Variants in CAMK1D observed in about 807,000 individuals in gnomAD.
CAMK1D encodes the protein calcium/calmodulin dependent protein kinase ID.
Under a neutral mutation model 47.7 loss-of-function variants are expected in CAMK1D, and 9 were observed. That is an observed-to-expected ratio of 0.19 (90% CI 0.11 to 0.33). The LOEUF (loss-of-function observed/expected upper bound fraction) is 0.33. CAMK1D is among the 10% of genes least tolerant of loss of function. CAMK1D has a pLI of 1.00. For missense variants in CAMK1D, 291 were observed against 488.7 expected (o/e 0.60, Z 3.81); for synonymous variants, 184 against 184.9 (o/e 0.99, Z 0.04).
intron 1 of CAMK1D, among the ~76,000 whole-genome samples, chr10:12,485,020 G>A (rs1834171440): frequency 6.6e-6 from 1 of 152,198 alleles, no homozygotes; most frequent in Non-Finnish European, 1.5e-5. Flanking sequence ...TTTTCAGATT[G>A]GTGTGCTGAG....
chr10:12,360,974 A>G (rs1254246882), intron 1 of CAMK1D, among the ~76,000 whole-genome samples: 1 of 152,182 alleles, frequency 6.6e-6, no homozygotes, highest in African/African-American at 2.4e-5. Context: ...GAAAAATTCC[A>G]CTTCTGTAAG....
intron 1 of CAMK1D, among the ~76,000 whole-genome samples, chr10:12,529,682 C>T (rs944923711): frequency 2.6e-5 from 4 of 152,160 alleles, no homozygotes; most frequent in Admixed American, 1.3e-4. Context: ...ACTCCATGTA[C>T]GGGGTCACAC....
chr10:12,734,199 G>A (rs922487919), intron 3 of CAMK1D, among the ~76,000 whole-genome samples: 3 of 149,990 alleles, frequency 2.0e-5, no homozygotes, highest in Admixed American at 6.7e-5. Flanking sequence ...GTGCATGCCT[G>A]TAGTCCCAGC....
At chr10:12,676,666 G>A (rs1840818704) in intron 3 of CAMK1D, among the ~76,000 whole-genome samples, 1 of 152,134 alleles carries the variant, frequency 6.6e-6, no homozygotes, top group Non-Finnish European at 1.5e-5. Context: ...CCAAATCAGT[G>A]AGCAACCCAG....
chr10:12,665,314 A>T (rs1415674881), intron 2 of CAMK1D, among the ~76,000 whole-genome samples: 1 of 152,254 alleles, frequency 6.6e-6, no homozygotes, highest in East Asian at 1.9e-4. Context: ...CAAAAAGAAG[A>T]TAATATTCTT....
In CAMK1D at chr10:12,757,193, C is replaced by T. The variant is rs769672391; in HGVS notation, c.300-3755C>T. ...TCACCCAGACTGGAGTGCAGTGGTG[C>T]GATCATAGCTCACTGCAGCCTCAGC... On this transcript the variant is annotated intron_variant, in intron 3 of 10. Transcript: ENST00000619168. Among the ~76,000 whole-genome samples, 6 of 152,002 alleles carry T rather than the reference C, an allele frequency of 3.9e-5. No individual in the cohort carries two copies. In the East Asian group the frequency reaches 5.8e-4, roughly 15 times the overall value.
chr10:12,519,066 G>T (rs1323574129), intron 1 of CAMK1D, among the ~76,000 whole-genome samples: 1 of 102,128 alleles, frequency 9.8e-6, no homozygotes, highest in Non-Finnish European at 2.1e-5. Flanking sequence ...AGGGGTGGCC[G>T]GGCAGAAGCG....
At chr10:12,379,126 T>C (rs2724781) in intron 1 of CAMK1D, among the ~76,000 whole-genome samples, 11,880 of 152,250 alleles carry the variant, frequency 0.078, 523 homozygotes, top group Admixed American at 0.09. Context: ...GCATTTCTTT[T>C]AGTAGAGCAA....
chr10:12,773,448 C>G (rs1175100592), intron 5 of CAMK1D, among the ~76,000 whole-genome samples: 2 of 152,180 alleles, frequency 1.3e-5, no homozygotes, highest in African/African-American at 4.8e-5. Context: ...CTTACAATAC[C>G]TGATGCAATG....
chr10:12,382,408 T>C (rs981339015), intron 1 of CAMK1D, among the ~76,000 whole-genome samples: 2 of 151,968 alleles, frequency 1.3e-5, no homozygotes, highest in African/African-American at 4.8e-5. Context: ...CTGACGCATG[T>C]TTTGGTAACT....
At chr10:12,763,944 G>A (rs1836621870) in intron 4 of CAMK1D, among the ~76,000 whole-genome samples, 2 of 152,120 alleles carry the variant, frequency 1.3e-5, no homozygotes, top group African/African-American at 4.8e-5. Context: ...CCCTCTCCCT[G>A]TGGCCCCCAC....
intron 1 of CAMK1D, among the ~76,000 whole-genome samples, chr10:12,545,512 A>G (rs549948749): frequency 4.0e-5 from 6 of 149,104 alleles, no homozygotes; most frequent in East Asian, 2.0e-4. Flanking sequence ...TGAAAAATAC[A>G]TGGAATTAGC....
intron 5 of CAMK1D, among the ~76,000 whole-genome samples, chr10:12,777,481 T>A (rs1837310763): frequency 6.6e-6 from 1 of 151,140 alleles, no homozygotes; most frequent in Non-Finnish European, 1.5e-5. Flanking sequence ...CAAGCGATTG[T>A]CCTGCCTCAG....
At chr10:12,755,571 C>T (rs1039011844) in intron 3 of CAMK1D, among the ~76,000 whole-genome samples, 7 of 152,100 alleles carry the variant, frequency 4.6e-5, no homozygotes, top group Non-Finnish European at 5.9e-5. Flanking sequence ...CCTGAGGAAT[C>T]GCCACACTGA....
intron 3 of CAMK1D, among the ~76,000 whole-genome samples, chr10:12,682,303 C>G (rs931412867): frequency 5.9e-5 from 9 of 152,038 alleles, no homozygotes; most frequent in Non-Finnish European, 1.3e-4. Flanking sequence ...TGTGGCGCCC[C>G]TATTTTTAAT....
intron 1 of CAMK1D, among the ~76,000 whole-genome samples, chr10:12,525,627 CACTT>C (rs1163849585): frequency 6.6e-6 from 1 of 152,118 alleles, no homozygotes; most frequent in Non-Finnish European, 1.5e-5. Flanking sequence ...ACAGTGTTCC[CACTT>C]ACTTAGGGAG....
chr10:12,684,205 A>G (rs1454718295), intron 3 of CAMK1D, among the ~76,000 whole-genome samples: 3 of 152,110 alleles, frequency 2.0e-5, no homozygotes, highest in Non-Finnish European at 4.4e-5. Context: ...AATAGTTAGC[A>G]TTTTAAGAAG....
At chr10:12,401,978 C>T (rs756375918) in intron 1 of CAMK1D, among the ~76,000 whole-genome samples, 1 of 151,902 alleles carries the variant, frequency 6.6e-6, no homozygotes, top group Non-Finnish European at 1.5e-5. Context: ...TCATTGCAAC[C>T]TCCGCCTGCC....
At position 12,832,494 on chromosome 10, in the gene CAMK1D, G is replaced by A. The variant is rs3814656; in HGVS notation, c.*3607G>A. 2.6e-5 allele frequency: 4 copies of A among 152,186 alleles called. No individual in the cohort carries two copies. Among genetic ancestry groups the A allele is most frequent in the African/African-American group, 7.2e-5 (3 of 41,424 alleles). The allele number at this position is 152,186 out of a possible 1,614,324, so 9.4% of individuals were successfully genotyped here. ...AATGGCAACCCCCAGGACCATGCAC[G>A]GCTCTGGCAGTGCACAGTGGCTGAT... On this transcript the variant is annotated 3_prime_UTR_variant, in exon 11 of 11. Transcript: ENST00000619168.
Sources: gnomAD v4.1 joint callset for allele counts (sites outside exome capture counted in the v4.1 genomes callset) on GRCh38, gnomAD v4.1.1 for gene constraint, MANE v1.5 for transcripts, NCBI Gene and HGNC (gene_info 2026-07-23, HGNC 2026-07-21) for gene names.